Variants in DDAH1 observed in about 807,000 individuals in gnomAD.
DDAH1 encodes the protein dimethylarginine dimethylaminohydrolase 1.
Under a neutral mutation model 28.8 loss-of-function variants are expected in DDAH1, and 19 were observed. The ratio of observed to expected loss-of-function variants is 0.66; its 90% CI spans 0.46 to 0.97. The LOEUF (loss-of-function observed/expected upper bound fraction) is 0.97. Ranked by LOEUF, DDAH1 falls within the 50% of genes least tolerant of loss-of-function variation. DDAH1 has a pLI of 0.00. For synonymous variants in DDAH1, 153 were observed against 154.4 expected, an observed-to-expected ratio of 0.99 and a Z score of 0.07; for missense variants, 326 against 375.9, an observed-to-expected ratio of 0.87 and a Z score of 1.10.
chr1:85,561,533 T>C (rs966213588), intron 1 of DDAH1, among the ~76,000 whole-genome samples: 4 of 152,150 alleles, frequency 2.6e-5, no homozygotes, highest in Non-Finnish European at 5.9e-5. Flanking sequence ...CATTTACTCA[T>C]GTGTTCTCTT....
chr1:85,397,860 T>G (rs1194271516), intron 1 of DDAH1, among the ~76,000 whole-genome samples: 2 of 152,186 alleles, frequency 1.3e-5, no homozygotes, highest in African/African-American at 4.8e-5. Context: ...CCTCTCTCGC[T>G]ATGTGACTCT....
intron 1 of DDAH1, among the ~76,000 whole-genome samples, chr1:85,503,201 T>C (rs537674755): frequency 5.9e-5 from 9 of 152,324 alleles, no homozygotes; most frequent in African/African-American, 2.2e-4. Context: ...GTTCTTTATC[T>C]TTTTGTTTGT....
chr1:85,447,859 C>T (rs919422664), intron 1 of DDAH1: 7 of 152,240 alleles, frequency 4.6e-5, no homozygotes, highest in African/African-American at 1.2e-4. Context: ...TCTTCCTTCA[C>T]GCTGAATCAT....
intron 1 of DDAH1, among the ~76,000 whole-genome samples, chr1:85,443,281 G>T (rs1306095492): frequency 6.6e-6 from 1 of 152,142 alleles, no homozygotes. Context: ...TATTAAATAG[G>T]TAACCCTTTC....
At chr1:85,481,601 T>C (rs1307648571) in intron 2 of DDAH1, among the ~76,000 whole-genome samples, 2 of 152,226 alleles carry the variant, frequency 1.3e-5, no homozygotes, top group Admixed American at 6.5e-5. Flanking sequence ...TAGTTTATTA[T>C]TTTGTAGTAA....
At chr1:85,471,004 A>AT (rs979561207) in intron 2 of DDAH1, among the ~76,000 whole-genome samples, 1 of 152,070 alleles carries the variant, frequency 6.6e-6, no homozygotes, top group African/African-American at 2.4e-5. Context: ...GTGTTTCACC[A>AT]TTTTCTGTCT....
intron 1 of DDAH1, among the ~76,000 whole-genome samples, chr1:85,549,240 T>G (rs1658716116): frequency 6.6e-6 from 1 of 152,214 alleles, no homozygotes; most frequent in Non-Finnish European, 1.5e-5. Flanking sequence ...AAACTTTTTA[T>G]TACACTACAC....
At chr1:85,419,179 A>C (rs976405872) in intron 1 of DDAH1, among the ~76,000 whole-genome samples, 1 of 152,138 alleles carries the variant, frequency 6.6e-6, no homozygotes, top group African/African-American at 2.4e-5. Context: ...AGGAGATACC[A>C]TTATATGAAT....
intron 1 of DDAH1, among the ~76,000 whole-genome samples, chr1:85,560,020 T>C (rs557370792): frequency 6.6e-6 from 1 of 151,890 alleles, no homozygotes; most frequent in East Asian, 1.9e-4. Flanking sequence ...CCAAGACAAA[T>C]CATTGAAAAC....
intron 1 of DDAH1, among the ~76,000 whole-genome samples, chr1:85,547,378 G>C (rs1360107664): frequency 6.6e-6 from 1 of 152,154 alleles, no homozygotes; most frequent in Non-Finnish European, 1.5e-5. Flanking sequence ...GAGAAGTTGA[G>C]ACTATCCCAG....
chr1:85,400,403 C>T (rs746377940), intron 1 of DDAH1, among the ~76,000 whole-genome samples: 2 of 151,128 alleles, frequency 1.3e-5, no homozygotes, highest in Non-Finnish European at 3.0e-5. Context: ...AGGGTTTTGC[C>T]CTGTTGGCCA....
chr1:85,464,887 C>A lies in DDAH1; in HGVS notation c.159G>T (p.Val53=). Residue 53 remains valine, a synonymous_variant, in exon 1 of 6, where the codon GTG becomes GTT. Coordinates refer to ENST00000284031, the MANE Select transcript of DDAH1 (RefSeq NM_012137.4). The surrounding 1 kb of genome is among the most constrained non-coding windows in gnomAD (Gnocchi z 4.4). Reference sequence around the variant, plus strand: ...CCTGCAGCCCCAGCTTGCTGCCCAGCACGCCCACGTAGAGCTGGTGCTGCC... The same window carrying A: ...CCTGCAGCCCCAGCTTGCTGCCCAGAACGCCCACGTAGAGCTGGTGCTGCC... ...AERQHQLYVG[V]LGSKLGLQVV... is the part of the protein sequence containing the mutation. 6.3e-7 allele frequency: 1 copy of A among 1,579,512 alleles called. No individual in the cohort carries two copies. The highest frequency in any genetic ancestry group is 8.5e-7 in the Non-Finnish European group (1 of 1,172,476).
chr1:85,540,445 C>T (rs1292781840), intron 1 of DDAH1, among the ~76,000 whole-genome samples: 1 of 152,142 alleles, frequency 6.6e-6, no homozygotes, highest in Non-Finnish European at 1.5e-5. Flanking sequence ...TTAAAATGAC[C>T]TCTTATTCCT....
At chr1:85,479,159 CTTTTTTT>C (rs35629726) in intron 2 of DDAH1, among the ~76,000 whole-genome samples, 18 of 78,660 alleles carry the variant, frequency 2.3e-4, no homozygotes, top group African/African-American at 5.0e-4. Context: ...TTCTGTTTTT[CTTTTTTT>C]TTTTTTTTTT....
In DDAH1 at chr1:85,396,952, G is replaced by A. The variant is rs148073615; in HGVS notation, c.304-38105C>T. ...CGGGAGGCTGAGAGGTGGGAGGATCGCCTGAGCCCAGGAGGCAGAGGCTGC... is the reference window on the plus strand; with the variant it reads ...CGGGAGGCTGAGAGGTGGGAGGATCACCTGAGCCCAGGAGGCAGAGGCTGC... On this transcript the variant is annotated intron_variant, in intron 1 of 5. Coordinates refer to ENST00000284031, the MANE Select transcript of DDAH1 (RefSeq NM_012137.4). Among the ~76,000 whole-genome samples the A allele has an allele frequency of 3.6e-3, 551 of 151,766 alleles. 1 individual carries two copies. In the Middle Eastern group the frequency reaches 0.041, roughly 11 times the overall value.
At chr1:85,576,082 TA>T (rs894473975) in intron 1 of DDAH1, among the ~76,000 whole-genome samples, 1 of 122,384 alleles carries the variant, frequency 8.2e-6, no homozygotes, top group Admixed American at 7.6e-5. Context: ...AAATAAAATT[TA>T]AAAAAAAAGA....
At chr1:85,366,968 G>A (rs916467722) in intron 1 of DDAH1, among the ~76,000 whole-genome samples, 7 of 152,128 alleles carry the variant, frequency 4.6e-5, no homozygotes, top group Admixed American at 1.3e-4. Flanking sequence ...TAAGAGAGAC[G>A]TCAGGCTCTG....
At chr1:85,567,031 C>T (rs1284129043) in intron 1 of DDAH1, among the ~76,000 whole-genome samples, 1 of 152,128 alleles carries the variant, frequency 6.6e-6, no homozygotes, top group Admixed American at 6.5e-5. Flanking sequence ...GGTAATCAGG[C>T]AGGAAGAATT....
chr1:85,569,223 C>T (rs1368782563), intron 1 of DDAH1, among the ~76,000 whole-genome samples: 3 of 152,132 alleles, frequency 2.0e-5, no homozygotes, highest in Non-Finnish European at 2.9e-5. Flanking sequence ...TTTTTAAAGT[C>T]GATTTGTTTT....
Sources: gnomAD v4.1 joint callset for allele counts (sites outside exome capture counted in the v4.1 genomes callset) on GRCh38, gnomAD v4.1.1 for gene constraint, Gnocchi (gnomAD v3.1) non-coding constraint, MANE v1.5 for transcripts, NCBI Gene and HGNC (gene_info 2026-07-23, HGNC 2026-07-21) for gene names.